The following CUL9 variants were observed in gnomAD, a reference collection of about 807,000 sequenced individuals.
The protein encoded by CUL9 is cullin-9.
Under a neutral mutation model 272.6 loss-of-function variants are expected in CUL9, and 79 were observed. The ratio of observed to expected loss-of-function variants is 0.29; its 90% confidence interval spans 0.24 to 0.35. CUL9 has a LOEUF of 0.35. CUL9 is among the 10% of genes least tolerant of loss of function. The pLI is 1.00. For synonymous variants in CUL9, 1,186 were observed against 1,286.5 expected, an observed-to-expected ratio of 0.92 and a Z score of 1.67; for missense variants, 2,532 against 3,255.6, an observed-to-expected ratio of 0.78 and a Z score of 5.41.
In CUL9 at chr6:43,213,006, C is replaced by G. The variant is rs966894882; in HGVS notation, c.5213-143C>G. 6 of 904,772 alleles carry G rather than the reference C, an allele frequency of 6.6e-6. No individual in the cohort carries two copies. In the African/African-American group the frequency reaches 1.0e-4, roughly 15 times the overall value. The allele number at this position is 904,772 out of a possible 1,614,324, so 56.0% of individuals were successfully genotyped here. A position where few individuals can be genotyped will look rare whatever the true frequency, so the allele number is the denominator to read the frequency against. On this transcript the variant is annotated intron_variant, in intron 26 of 40. Transcript: ENST00000252050. This position sits in a 1 kb window ranked among gnomAD's most constrained non-coding sequence, Gnocchi z 5.7. Reference sequence around the variant, plus strand: ...CGCAGGGAAGGCTGAGATCTGGAAGCTTGACAAGGTATCTCTCTGTCTGAA... The same window carrying G: ...CGCAGGGAAGGCTGAGATCTGGAAGGTTGACAAGGTATCTCTCTGTCTGAA...
Position 43,213,727 on chromosome 6 carries a change from C to A in CUL9, c.5503C>A (p.His1835Asn). The change falls in exon 29 of 41, where the codon CAT (histidine) becomes AAT (asparagine). Residue 1835 changes from histidine to asparagine, a missense_variant. This residue lies in a region of CUL9 where 2,218 missense variants were observed against 2,788.6 expected (regional missense o/e 0.80). Coordinates refer to ENST00000252050, the MANE Select transcript of CUL9 (RefSeq NM_015089.4). The surrounding 1 kb of genome is among the most constrained non-coding windows in gnomAD (Gnocchi z 5.7). The part of the protein sequence containing the change: ...DFPHGGVLRL[H>N]EPGPQRSGEA... Reference sequence around the variant, plus strand: ...GCGGGTTCCAGGTGTGCTGCGGCTTCATGAGCCTGGGCCCCAGCGCAGTGG... The same window carrying A: ...GCGGGTTCCAGGTGTGCTGCGGCTTAATGAGCCTGGGCCCCAGCGCAGTGG... The A allele has an allele frequency of 6.2e-7, 1 of 1,613,298 alleles. No homozygotes were observed. The highest frequency in any genetic ancestry group is 1.1e-5 in the South Asian group (1 of 91,046).
Position 43,184,999 on chromosome 6 carries a change from C to A in CUL9, c.595+94C>A. On this transcript the variant is annotated intron_variant, in intron 2 of 40. Transcript: ENST00000252050. The surrounding 1 kb of genome is among the most constrained non-coding windows in gnomAD (Gnocchi z 4.8). ...AGATTTCCTAGCTCTGTAAGAACACCTAGTATTTGGTGAATATCAATTTGA... is the reference window on the plus strand; with the variant it reads ...AGATTTCCTAGCTCTGTAAGAACACATAGTATTTGGTGAATATCAATTTGA... 1 of 959,632 alleles carries A rather than the reference C, an allele frequency of 1.0e-6. No individual in the cohort carries two copies. The highest frequency in any genetic ancestry group is 2.6e-5 in the East Asian group (1 of 37,808). 59.4% of individuals were successfully genotyped at this position (959,632 alleles called of 1,614,324 possible). A position where few individuals can be genotyped will look rare whatever the true frequency, so the allele number is the denominator to read the frequency against.
rs749338789 is a variant in CUL9 at position 43,224,047 on chromosome 6, G to A, written c.7285-48G>A. The A allele has an allele frequency of 2.5e-6, 4 of 1,579,400 alleles. No homozygotes were observed. Among genetic ancestry groups the A allele is most frequent in the Admixed American group, 1.7e-5 (1 of 59,950 alleles). On this transcript the variant is annotated intron_variant, in intron 39 of 40. Coordinates refer to ENST00000252050, the MANE Select transcript of CUL9 (RefSeq NM_015089.4). This position sits in a 1 kb window ranked among gnomAD's most constrained non-coding sequence, Gnocchi z 4.2. ...AGTGGAAGGAATGCTGGGTCCAAAG[G>A]CCCCATGCCCTCTACCTCCTTCTCA...
At position 43,213,171 on chromosome 6, in the gene CUL9, C is replaced by T; in HGVS notation, c.5235C>T (p.Asp1745=). ...TAGGTCAGAACCATCCAGTCCTGGACATGGGACCACATCGGCGACTGCAGT... is the reference window on the plus strand; with the variant it reads ...TAGGTCAGAACCATCCAGTCCTGGATATGGGACCACATCGGCGACTGCAGT... ...YSQSQNHPVL[D]MGPHRRLQWT... Residue 1745 remains aspartate, a synonymous_variant, in exon 27 of 41, where the codon GAC becomes GAT. Transcript: ENST00000252050. This position sits in a 1 kb window ranked among gnomAD's most constrained non-coding sequence, Gnocchi z 5.7. 6.2e-7 allele frequency: 1 copy of T among 1,614,154 alleles called. No individual in the cohort carries two copies. Among genetic ancestry groups the T allele is most frequent in the South Asian group, 1.1e-5 (1 of 91,076 alleles).
At chr6:43,222,453 G>C (rs893580916) in intron 36 of CUL9, 63 bp downstream of exon 36, 2 of 1,586,112 alleles carry the variant, frequency 1.3e-6, no homozygotes, top group South Asian at 1.1e-5. Context: ...TGGGGTGGAG[G>C]GGGGTGGGCT....
rs182614444 is a variant in CUL9, at chr6:43,214,704, G to A, written c.5689-375G>A. On this transcript the variant is annotated intron_variant, in intron 29 of 40. Transcript: ENST00000252050. ...TAGTCCCAGTTACTTGGGAGGCTGA[G>A]GCGGTAGAATCACTTGAACCCAGGA... Among the ~76,000 whole-genome samples, 321 of 152,166 alleles carry A rather than the reference G, an allele frequency of 2.1e-3. 2 individuals are homozygous for A. The highest frequency in any genetic ancestry group is 6.6e-3 in the African/African-American group (274 of 41,516).
At chr6:43,195,952 A>C in intron 9 of CUL9, 117 bp from the exon 10 acceptor site, 2 of 740,008 alleles carry the variant, frequency 2.7e-6, no homozygotes, top group South Asian at 3.6e-5. Flanking sequence ...TCTGTCTCCT[A>C]CTCTACCTAT....
Position 43,188,022 on chromosome 6 carries a change from G to A in CUL9, c.1891G>A (p.Glu631Lys), listed in dbSNP as rs201640275. ...GGCCGAGCCCACCAAGACAAGGACCGAGACCCCCATGGCACAGAGTGATTC... is the reference window on the plus strand; with the variant it reads ...GGCCGAGCCCACCAAGACAAGGACCAAGACCCCCATGGCACAGAGTGATTC... Reference protein sequence around the residue: ...TEAEPTKTRTETPMAQSDSQL... With the variant: ...TEAEPTKTRTKTPMAQSDSQL... The change falls in exon 7 of 41, where the codon GAG becomes AAG. Residue 631 changes from glutamate to lysine, a missense_variant. Glu to Lys is a moderately conservative substitution (Grantham distance 56). This residue lies in a region of CUL9 where 2,218 missense variants were observed against 2,788.6 expected (regional missense o/e 0.80). Coordinates refer to ENST00000252050, the MANE Select transcript of CUL9 (RefSeq NM_015089.4). The A allele has an allele frequency of 1.4e-5, 22 of 1,613,894 alleles. No homozygotes were observed. The highest frequency in any genetic ancestry group is 2.7e-5 in the African/African-American group (2 of 74,988).
intron 31 of CUL9, among the ~76,000 whole-genome samples, chr6:43,217,453 G>A (rs1236539107): frequency 1.3e-5 from 2 of 152,170 alleles, no homozygotes; most frequent in East Asian, 3.8e-4. Flanking sequence ...ATGTGGGGCT[G>A]AGGTACAGAG....
intron 1 of CUL9, among the ~76,000 whole-genome samples, chr6:43,183,593 T>G (rs1037820655): frequency 6.6e-6 from 1 of 152,190 alleles, no homozygotes; most frequent in Non-Finnish European, 1.5e-5. Context: ...TCTGTAACCC[T>G]CAGCCACCCT....
Position 43,223,608 on chromosome 6 carries a change from A to G in CUL9, c.7284+211A>G. The G allele has an allele frequency of 1.6e-6, 1 of 630,392 alleles. No individual in the cohort carries two copies. The highest frequency in any genetic ancestry group is 2.2e-5 in the South Asian group (1 of 45,140). 39.0% of individuals were successfully genotyped at this position (630,392 alleles called of 1,614,324 possible). ...ACTTCACCTCCTGGGGATTCCTACA[A>G]AATAAAGGGGTTGGCTAGCCCACAT... On this transcript the variant is annotated intron_variant, in intron 39 of 40. Transcript: ENST00000252050. This position sits in a 1 kb window ranked among gnomAD's most constrained non-coding sequence, Gnocchi z 4.1.
At position 43,199,155 on chromosome 6, in the gene CUL9, C is replaced by T. The variant is rs1261982762; in HGVS notation, c.3051-111C>T. On this transcript the variant is annotated intron_variant, in intron 12 of 40. Transcript: ENST00000252050. The surrounding 1 kb of genome is among the most constrained non-coding windows in gnomAD (Gnocchi z 4.4). Reference sequence around the variant, plus strand: ...TTCTCCATTTTGGTCAGGCTGGTCTCGAACTCCCGACCTCAGGTGATCCGC... The same window carrying T: ...TTCTCCATTTTGGTCAGGCTGGTCTTGAACTCCCGACCTCAGGTGATCCGC... 9 of 921,896 alleles carry T rather than the reference C, an allele frequency of 9.8e-6. No individual in the cohort carries two copies. Among genetic ancestry groups the T allele is most frequent in the Admixed American group, 1.9e-5 (1 of 52,706 alleles). The allele number at this position is 921,896 out of a possible 1,614,324, so 57.1% of individuals were successfully genotyped here.
intron 26 of CUL9, chr6:43,212,685 C>T (rs547576957): frequency 6.6e-6 from 1 of 151,368 alleles, no homozygotes; most frequent in South Asian, 2.1e-4. Flanking sequence ...CTCAAATTGT[C>T]CCATCTTTGG....
intron 26 of CUL9, among the ~76,000 whole-genome samples, chr6:43,211,804 A>T (rs1011173452): frequency 2.7e-5 from 4 of 150,878 alleles, no homozygotes; most frequent in Admixed American, 6.6e-5. Flanking sequence ...CTCTTTGTTT[A>T]AAAAAAAAGG....
rs1366588543 is a variant in CUL9 at position 43,185,501 on chromosome 6, T to A, written c.641T>A (p.Ile214Asn). ...CTATCACTGAGCCAGCAAGATGGCA[T>A]CGAGCAGCACATGGATTTTGACAGT... ...VLLSLSQQDGIEQHMDFDSRY... is the reference protein window; with the variant it reads ...VLLSLSQQDGNEQHMDFDSRY... The change falls in exon 3 of 41, where the codon ATC becomes AAC. Residue 214 changes from isoleucine to asparagine, a missense_variant. Ile to Asn is a moderately radical substitution (Grantham distance 149). Around this residue, in one of 3 missense-constraint regions of CUL9, gnomAD observed 2,218 missense variants for 2,788.6 expected, o/e 0.80. Coordinates refer to ENST00000252050, the MANE Select transcript of CUL9 (RefSeq NM_015089.4). 1 of 1,614,056 alleles carries A rather than the reference T, an allele frequency of 6.2e-7. No individual in the cohort carries two copies. The highest frequency in any genetic ancestry group is 8.5e-7 in the Non-Finnish European group (1 of 1,180,024).
In CUL9 at chr6:43,220,528, G is replaced by A. The variant is rs1295376588; in HGVS notation, c.6352G>A (p.Ala2118Thr). ...NLVLNCTCPI[A>T]DCPAQPTGAF... ...TGTTTTGAATTGCACCTGCCCCATT[G>A]CCGACTGCCCCGCCCAGCCCACCGG... The change falls in exon 32 of 41, where the codon GCC becomes ACC. Residue 2118 changes from alanine to threonine, a missense_variant. Ala to Thr is a moderately conservative substitution (Grantham distance 58, BLOSUM62 0). Transcript: ENST00000252050. The surrounding 1 kb of genome is among the most constrained non-coding windows in gnomAD (Gnocchi z 4.9). 6.2e-7 allele frequency: 1 copy of A among 1,614,094 alleles called. No homozygotes were observed. Among genetic ancestry groups the A allele is most frequent in the African/African-American group, 1.3e-5 (1 of 75,004 alleles).
At position 43,220,379 on chromosome 6, in the gene CUL9, C is replaced by G; in HGVS notation, c.6283-80C>G. ...TAGTGGAGGGGAAGGGAAGGAGGGA[C>G]GCTAGCTTAGTTACCAGGACACTCC... On this transcript the variant is annotated intron_variant, in intron 31 of 40. Coordinates refer to ENST00000252050, the MANE Select transcript of CUL9 (RefSeq NM_015089.4). The surrounding 1 kb of genome is among the most constrained non-coding windows in gnomAD (Gnocchi z 4.9). 1.3e-6 allele frequency: 2 copies of G among 1,516,286 alleles called. No homozygotes were observed. The highest frequency in any genetic ancestry group is 1.8e-6 in the Non-Finnish European group (2 of 1,107,566). 93.9% of individuals were successfully genotyped at this position (1,516,286 alleles called of 1,614,324 possible).
rs1427229219 is a variant in CUL9 at position 43,188,474 on chromosome 6, T to A, written c.1988-49T>A. On this transcript the variant is annotated intron_variant, in intron 7 of 40. Coordinates refer to ENST00000252050, the MANE Select transcript of CUL9 (RefSeq NM_015089.4). ...GGCTTGACTTTAAAGACTTCTAACTTCAAGGTGCCACAGTTCTTTTAGCCA... is the reference window on the plus strand; with the variant it reads ...GGCTTGACTTTAAAGACTTCTAACTACAAGGTGCCACAGTTCTTTTAGCCA... 3 of 1,518,616 alleles carry A rather than the reference T, an allele frequency of 2.0e-6. No individual in the cohort carries two copies. The East Asian group carries it at 6.8e-5, about 34-fold the overall frequency. 94.1% of individuals were successfully genotyped at this position (1,518,616 alleles called of 1,614,324 possible).
chr6:43,208,858 TGA>T (rs1775243119), intron 26 of CUL9, among the ~76,000 whole-genome samples: 1 of 152,196 alleles, frequency 6.6e-6, no homozygotes, highest in Admixed American at 6.5e-5. Flanking sequence ...TTGTATTTTT[TGA>T]GAGGGGGTGT....
Sources: gnomAD v4.1 joint callset for allele counts (sites outside exome capture counted in the v4.1 genomes callset) on GRCh38, gnomAD v4.1.1 for gene constraint, gnomAD v4.1.1 regional missense constraint, Gnocchi (gnomAD v3.1) non-coding constraint, MANE v1.5 for transcripts, NCBI Gene and HGNC (gene_info 2026-07-23, HGNC 2026-07-21) for gene names.